The following IPO11 variants were observed in gnomAD, a reference collection of about 807,000 sequenced individuals.
IPO11 encodes importin-11.
Under a neutral mutation model 143.2 loss-of-function variants are expected in IPO11, and 66 were observed. The observed-to-expected ratio is 0.46, with a 90% CI of 0.38 to 0.57. IPO11 has a LOEUF of 0.57. Ranked by LOEUF, IPO11 falls within the 20% of genes least tolerant of loss-of-function variation. The pLI is 0.00. For missense variants in IPO11, 1,026 were observed against 1,141.0 expected (o/e 0.90, Z 1.45); for synonymous variants, 385 against 377.8 (o/e 1.02, Z -0.22).
chr5:62,578,438 G>C (rs552634095), intron 27 of IPO11, among the ~76,000 whole-genome samples: 1 of 151,880 alleles, frequency 6.6e-6, no homozygotes, highest in Non-Finnish European at 1.5e-5. Flanking sequence ...ACAAAAAATT[G>C]TATTACTCGA....
At chr5:62,414,483 G>C (rs141346824) in intron 1 of IPO11, among the ~76,000 whole-genome samples, 1 of 152,106 alleles carries the variant, frequency 6.6e-6, no homozygotes, top group Non-Finnish European at 1.5e-5. Context: ...CTTCAAATAG[G>C]GACTGTTAAT....
intron 14 of IPO11, 81 bp from the exon 15 acceptor site, chr5:62,490,034 T>C: frequency 1.5e-6 from 1 of 667,230 alleles, no homozygotes; most frequent in South Asian, 3.0e-5. Flanking sequence ...GTGTTTCCTT[T>C]AATTAACATA....
intron 16 of IPO11, 21 bp downstream of exon 16, chr5:62,494,145 A>G (rs750799913): frequency 2.5e-6 from 4 of 1,590,270 alleles, no homozygotes; most frequent in East Asian, 2.3e-5. Flanking sequence ...TAAGTGCCTT[A>G]AAAGAGTTAG....
intron 16 of IPO11, among the ~76,000 whole-genome samples, chr5:62,502,443 C>G (rs754492648): frequency 6.6e-6 from 1 of 152,080 alleles, no homozygotes; most frequent in Non-Finnish European, 1.5e-5. Flanking sequence ...CAGGAAGAGC[C>G]GACTGTTTTT....
intron 19 of IPO11, 50 bp from the exon 20 acceptor site, chr5:62,515,338 C>G (rs774542393): frequency 8.0e-7 from 1 of 1,243,884 alleles, no homozygotes; most frequent in East Asian, 2.4e-5. Flanking sequence ...AAGTAAATTG[C>G]CTTCTTTACC....
At chr5:62,553,323 AGTGTGTGTGTGTGTGTGT>A (rs3077458) in intron 26 of IPO11, among the ~76,000 whole-genome samples, 2 of 119,178 alleles carry the variant, frequency 1.7e-5, no homozygotes, top group African/African-American at 3.1e-5. Flanking sequence ...TATTCGTGTG[AGTGTGTGTGTGTGTGTGT>A]GTGTGTGTGT....
intron 24 of IPO11, among the ~76,000 whole-genome samples, chr5:62,542,145 G>C (rs1333942755): frequency 6.6e-6 from 1 of 150,658 alleles, no homozygotes; most frequent in Non-Finnish European, 1.5e-5. Context: ...GCGTGATCTC[G>C]GCTCACCACA....
intron 27 of IPO11, chr5:62,581,181 T>C (rs1487125256): frequency 3.2e-6 from 5 of 1,551,082 alleles, no homozygotes; most frequent in Admixed American, 2.0e-5. Context: ...ATAATGTAAC[T>C]GCCTCAATTT....
intron 2 of IPO11, among the ~76,000 whole-genome samples, chr5:62,438,694 G>A (rs1406948307): frequency 2.0e-5 from 3 of 151,864 alleles, no homozygotes; most frequent in Non-Finnish European, 4.4e-5. Flanking sequence ...GGAGGTTGCA[G>A]TGAGCTGAGA....
At position 62,507,727 on chromosome 5, in the gene IPO11, T is replaced by A. The variant is rs536259002; in HGVS notation, c.1782+1370T>A. Among the ~76,000 whole-genome samples, 10 of 152,336 alleles carry A rather than the reference T, an allele frequency of 6.6e-5. No individual in the cohort carries two copies. The East Asian group carries it at 1.2e-3, about 18-fold the overall frequency. ...AAATTTCTTAGATAAAACTTTTTTTTAAATAGAAATGGGTCTTCTTATCTT... is the reference window on the plus strand; with the variant it reads ...AAATTTCTTAGATAAAACTTTTTTTAAAATAGAAATGGGTCTTCTTATCTT... On this transcript the variant is annotated intron_variant, in intron 19 of 29. Transcript: ENST00000325324.
At chr5:62,519,075 CAG>C (rs1203259448) in intron 20 of IPO11, among the ~76,000 whole-genome samples, 1 of 152,080 alleles carries the variant, frequency 6.6e-6, no homozygotes, top group Non-Finnish European at 1.5e-5. Context: ...GGCCTCCTGA[CAG>C]AGGTGTTACT....
At chr5:62,419,251 AT>A (rs1448068944) in intron 1 of IPO11, 2 of 1,050,240 alleles carry the variant, frequency 1.9e-6, no homozygotes, top group African/African-American at 3.2e-5. Flanking sequence ...AGGACTGGAA[AT>A]TGGTTTGGAT....
intron 27 of IPO11, chr5:62,561,737 T>C (rs1743780334): frequency 6.6e-6 from 1 of 151,558 alleles, no homozygotes; most frequent in Non-Finnish European, 1.5e-5. Flanking sequence ...CTCACTCCCA[T>C]AAAGCAAATA....
At chr5:62,455,396 G>A (rs981578704) in intron 5 of IPO11, among the ~76,000 whole-genome samples, 1 of 152,126 alleles carries the variant, frequency 6.6e-6, no homozygotes, top group South Asian at 2.1e-4. Context: ...GGTGGCGCAC[G>A]CCTGTAATCC....
At chr5:62,599,124 AGACACTAT>A (rs1441638031) in intron 28 of IPO11, among the ~76,000 whole-genome samples, 1 of 152,200 alleles carries the variant, frequency 6.6e-6, no homozygotes, top group African/African-American at 2.4e-5. Flanking sequence ...CTACTGAATT[AGACACTAT>A]GGGAGTGGGG....
chr5:62,604,399 CG>C, intron 29 of IPO11, among the ~76,000 whole-genome samples: 1 of 151,972 alleles, frequency 6.6e-6, no homozygotes, highest in Non-Finnish European at 1.5e-5. Flanking sequence ...TTAGTGGGCA[CG>C]GGGTTTTGCC....
chr5:62,568,432 G>A (rs771152395), intron 27 of IPO11, among the ~76,000 whole-genome samples: 1 of 150,978 alleles, frequency 6.6e-6, no homozygotes, highest in Non-Finnish European at 1.5e-5. Flanking sequence ...AAATTAGCAG[G>A]GTGTGGTGGT....
At chr5:62,452,248 AAAAAT>A (rs576253321) in intron 5 of IPO11, among the ~76,000 whole-genome samples, 91 of 150,504 alleles carry the variant, frequency 6.0e-4, no homozygotes, top group Admixed American at 2.2e-3. Flanking sequence ...CCGTCTCAAA[AAAAAT>A]AAAATAAAAT....
At chr5:62,535,017 A>ATATTTATTCATT (rs1742686907) in intron 22 of IPO11, among the ~76,000 whole-genome samples, 2 of 142,620 alleles carry the variant, frequency 1.4e-5, no homozygotes, top group Non-Finnish European at 3.0e-5. Context: ...TATAATATTA[A>ATATTTATTCATT]TATTTATTTA....
Sources: allele counts gnomAD v4.1 joint callset (sites outside exome capture counted in the v4.1 genomes callset), GRCh38; gene constraint gnomAD v4.1.1; transcripts MANE v1.5; gene names NCBI Gene and HGNC (gene_info 2026-07-23, HGNC 2026-07-21).